ANK3: variants seen among roughly 807,000 people sequenced by gnomAD.
ANK3 encodes the protein ankyrin-3.
A neutral mutation model predicts 370.9 loss-of-function variants in ANK3; 57 were observed. The ratio of observed to expected loss-of-function variants is 0.15; its 90% CI spans 0.12 to 0.19. The LOEUF is 0.19. Among genes scored for constraint, ANK3 ranks in the 10% least tolerant of loss-of-function variants. The pLI is 1.00. For synonymous variants in ANK3, 1,929 were observed against 1,946.3 expected, an observed-to-expected ratio of 0.99 and a Z score of 0.23; for missense variants, 4,439 against 5,302.1, an observed-to-expected ratio of 0.84 and a Z score of 5.06.
intron 1 of ANK3, among the ~76,000 whole-genome samples, chr10:60,686,317 T>C (rs2079267574): frequency 6.6e-6 from 1 of 152,130 alleles, no homozygotes; most frequent in Non-Finnish European, 1.5e-5. Flanking sequence ...TAGGAAAATG[T>C]AGCAAATTAA....
chr10:60,659,860 T>A (rs765801352), intron 1 of ANK3, among the ~76,000 whole-genome samples: 9 of 152,260 alleles, frequency 5.9e-5, no homozygotes, highest in African/African-American at 2.2e-4. Context: ...ATAATGGGCA[T>A]CCTTTGTTTC....
intron 2 of ANK3, among the ~76,000 whole-genome samples, chr10:60,418,342 G>A (rs2063711870): frequency 6.6e-6 from 1 of 152,072 alleles, no homozygotes; most frequent in African/African-American, 2.4e-5. Flanking sequence ...TCGTTAGGTG[G>A]TTAACATTCC....
intron 1 of ANK3, among the ~76,000 whole-genome samples, chr10:60,355,128 C>T (rs2057521895): frequency 6.6e-6 from 1 of 152,090 alleles, no homozygotes; most frequent in Non-Finnish European, 1.5e-5. Flanking sequence ...AATGTTTAAT[C>T]CCGGGTATTG....
At chr10:60,109,285 G>A (rs2092489111) in intron 26 of ANK3, among the ~76,000 whole-genome samples, 1 of 152,112 alleles carries the variant, frequency 6.6e-6, no homozygotes, top group South Asian at 2.1e-4. Context: ...GGCCCCCATA[G>A]AAAAGCCAAC....
At chr10:60,299,046 A>T (rs537679269) in intron 1 of ANK3, among the ~76,000 whole-genome samples, 1 of 152,310 alleles carries the variant, frequency 6.6e-6, no homozygotes, top group African/African-American at 2.4e-5. Flanking sequence ...CAATATGCTT[A>T]TATTACTAGT....
intron 1 of ANK3, among the ~76,000 whole-genome samples, chr10:60,349,412 G>C (rs1042551625): frequency 6.6e-6 from 1 of 152,150 alleles, no homozygotes; most frequent in South Asian, 2.1e-4. Context: ...CATGAAAATA[G>C]TAAGCAAAGA....
chr10:60,616,809 T>C (rs9415605), intron 1 of ANK3, among the ~76,000 whole-genome samples: 31,765 of 152,092 alleles, frequency 0.21, 3,831 homozygotes, highest in Non-Finnish European at 0.28. Flanking sequence ...AAAAGAACAA[T>C]TCACAGTGTA....
At chr10:60,218,027 G>A (rs574139556) in intron 8 of ANK3, among the ~76,000 whole-genome samples, 1 of 151,264 alleles carries the variant, frequency 6.6e-6, no homozygotes, top group Non-Finnish European at 1.5e-5. Context: ...TTTTCTTTTT[G>A]GACCTTTGTT....
At chr10:60,521,597 A>T (rs2076348352) in intron 2 of ANK3, among the ~76,000 whole-genome samples, 1 of 152,154 alleles carries the variant, frequency 6.6e-6, no homozygotes, top group African/African-American at 2.4e-5. Context: ...GTAAAATTAA[A>T]GACCAATACA....
intron 1 of ANK3, among the ~76,000 whole-genome samples, chr10:60,688,286 GAACT>G (rs772692255): frequency 2.6e-5 from 4 of 151,970 alleles, no homozygotes; most frequent in African/African-American, 7.3e-5. Flanking sequence ...GGCTGGTCTT[GAACT>G]CCTGGCCTCA....
chr10:60,623,131 C>T (rs1595358772), intron 1 of ANK3, among the ~76,000 whole-genome samples: 1 of 152,120 alleles, frequency 6.6e-6, no homozygotes, highest in Non-Finnish European at 1.5e-5. Flanking sequence ...TTTAGATTCT[C>T]CCCATATTCC....
chr10:60,509,760 C>T (rs1567105368), intron 2 of ANK3, among the ~76,000 whole-genome samples: 1 of 152,106 alleles, frequency 6.6e-6, no homozygotes, highest in African/African-American at 2.4e-5. Flanking sequence ...AAATAAAACG[C>T]TTCAGTGGAT....
At chr10:60,525,091 C>T (rs1007136340) in intron 2 of ANK3, among the ~76,000 whole-genome samples, 1 of 151,998 alleles carries the variant, frequency 6.6e-6, no homozygotes, top group African/African-American at 2.4e-5. Flanking sequence ...AATTCCAACC[C>T]ATAGGACAGT....
chr10:60,683,139 A>G (rs58583454), intron 1 of ANK3, among the ~76,000 whole-genome samples: 8,773 of 152,282 alleles, frequency 0.058, 381 homozygotes, highest in African/African-American at 0.11. Flanking sequence ...GAAGTCTTCC[A>G]TGTCGATGAC....
In ANK3 at chr10:60,568,583, T is replaced by C. The variant is rs186559611; in HGVS notation, c.96+46603A>G. Among the ~76,000 whole-genome samples the C allele has an allele frequency of 1.8e-3, 268 of 152,300 alleles. 1 individual carries two copies. The highest frequency in any genetic ancestry group is 6.2e-3 in the African/African-American group (258 of 41,560). On this transcript the variant is annotated intron_variant, in intron 2 of 43. Transcript: ENST00000373827. ...CCTGTAGCTGGCTCTAGCCAGTAAT[T>C]GAAGGCTCTCCCCTATGTAGCATCT... is the stretch of plus-strand genomic sequence containing the variant.
chr10:60,492,706 C>CAAAAAAAAAAAAAAAAAAA (rs764367710), intron 2 of ANK3, among the ~76,000 whole-genome samples: 5 of 57,504 alleles, frequency 8.7e-5, no homozygotes, highest in Non-Finnish European at 1.6e-4. Flanking sequence ...GACTCTGTCT[C>CAAAAAAAAAAAAAAAAAAA]AAAAAAAAAA....
At chr10:60,400,075 A>C (rs188218077) in intron 2 of ANK3, among the ~76,000 whole-genome samples, 1 of 151,352 alleles carries the variant, frequency 6.6e-6, no homozygotes, top group Non-Finnish European at 1.5e-5. Context: ...ACTAAAATCT[A>C]GTAAGATTTG....
intron 23 of ANK3, among the ~76,000 whole-genome samples, chr10:60,150,252 G>A (rs1302355291): frequency 6.6e-6 from 1 of 152,106 alleles, no homozygotes; most frequent in East Asian, 1.9e-4. Context: ...CCACTCCTGT[G>A]TGCTGAGCTC....
intron 1 of ANK3, among the ~76,000 whole-genome samples, chr10:60,306,303 G>C (rs1256459141): frequency 6.6e-6 from 1 of 151,894 alleles, no homozygotes; most frequent in African/African-American, 2.4e-5. Context: ...GAGAACATTT[G>C]ATACTTGGTT....
Sources: gnomAD v4.1 joint callset for allele counts (sites outside exome capture counted in the v4.1 genomes callset) on GRCh38, gnomAD v4.1.1 for gene constraint, MANE v1.5 for transcripts, NCBI Gene and HGNC (gene_info 2026-07-23, HGNC 2026-07-21) for gene names.